The following KIAA0586 variants were observed in gnomAD, a reference collection of about 807,000 sequenced individuals.
KIAA0586 encodes the protein KIAA0586.
In KIAA0586, 144 loss-of-function variants were observed where a neutral mutation model predicts 169.8. That is an observed-to-expected ratio of 0.85 (90% CI 0.74 to 0.97). The LOEUF (loss-of-function observed/expected upper bound fraction) is 0.97, where lower values mean the gene tolerates loss of function less well. Among genes scored for constraint, KIAA0586 ranks in the 50% least tolerant of loss-of-function variants. The pLI is 0.00. For missense variants in KIAA0586, 1,854 were observed against 1,823.0 expected (o/e 1.02, Z -0.31); for synonymous variants, 625 against 612.4 (o/e 1.02, Z -0.30).
At chr14:58,488,596 T>G in intron 23 of KIAA0586, 25 bp from the exon 24 acceptor site, 1 of 1,611,084 alleles carries the variant, frequency 6.2e-7, no homozygotes, top group African/African-American at 1.3e-5. Flanking sequence ...CCTAACAAGC[T>G]CCAAATATGT....
rs76031832 is a variant in KIAA0586, at chr14:58,539,832, C to A, written c.4430-239C>A. On this transcript the variant is annotated intron_variant, in intron 29 of 30. Transcript: ENST00000652326. Reference sequence around the variant, plus strand: ...CTCATGACCCTTTGCTTCCCCCCCCCATCTGTGATGCATAAAGATAATAAT... The same window carrying A: ...CTCATGACCCTTTGCTTCCCCCCCCAATCTGTGATGCATAAAGATAATAAT... The A allele has an allele frequency of 0.014, 4,493 of 313,994 alleles. 208 individuals are homozygous for A. Among genetic ancestry groups the A allele is most frequent in the African/African-American group, 0.088 (4,075 of 46,278 alleles). 19.5% of individuals were successfully genotyped at this position (313,994 alleles called of 1,614,324 possible). A position where few individuals can be genotyped will look rare whatever the true frequency, so the allele number is the denominator to read the frequency against.
chr14:58,429,242 A>G (rs2037153601), intron 1 of KIAA0586, 121 bp from the exon 2 acceptor site: 5 of 615,742 alleles, frequency 8.1e-6, no homozygotes, highest in Admixed American at 2.8e-5. Context: ...TTTTGCATGC[A>G]AATTGTCTTT....
At chr14:58,554,693 G>T (rs757660503), downstream of KIAA0586, among the ~76,000 whole-genome samples, 1 of 152,160 alleles carries the variant, frequency 6.6e-6, no homozygotes, top group Non-Finnish European at 1.5e-5. Flanking sequence ...TCAGTAAAAG[G>T]CCAGATAGTA....
intron 14 of KIAA0586, among the ~76,000 whole-genome samples, chr14:58,462,357 C>T (rs1431155448): frequency 6.6e-6 from 1 of 150,404 alleles, no homozygotes; most frequent in African/African-American, 2.4e-5. Flanking sequence ...AAACGATTCT[C>T]CTGCCTCAGC....
chr14:58,516,370 G>A (rs2044754215), intron 29 of KIAA0586, among the ~76,000 whole-genome samples: 6 of 152,070 alleles, frequency 3.9e-5, no homozygotes, highest in Admixed American at 2.0e-4. Context: ...TATTTCCAGG[G>A]TATAGGTGAA....
At chr14:58,480,939 A>G (rs2041990840) in intron 20 of KIAA0586, among the ~76,000 whole-genome samples, 1 of 152,202 alleles carries the variant, frequency 6.6e-6, no homozygotes. Flanking sequence ...CTTCCCTGTC[A>G]AAGATTTGTG....
rs1210709116 is a variant in KIAA0586 at position 58,511,545 on chromosome 14, T to C, written c.4324-977T>C. On this transcript the variant is annotated intron_variant, in intron 28 of 30. Transcript: ENST00000652326. ...CGCTGTGAGTAAGTAAGGAAACCAATAGAAACGTTCAAAGTCTCAGCAGCC... is the reference window on the plus strand; with the variant it reads ...CGCTGTGAGTAAGTAAGGAAACCAACAGAAACGTTCAAAGTCTCAGCAGCC... Among the ~76,000 whole-genome samples the C allele has an allele frequency of 3.9e-5, 6 of 152,140 alleles. No individual in the cohort carries two copies. The South Asian group carries it at 1.0e-3, about 26-fold the overall frequency.
intron 16 of KIAA0586, among the ~76,000 whole-genome samples, chr14:58,469,570 T>A (rs1385588716): frequency 2.6e-5 from 4 of 152,212 alleles, no homozygotes; most frequent in African/African-American, 7.2e-5. Context: ...AGTCAGTCCA[T>A]GGAGGAAATT....
At chr14:58,429,819 T>C (rs1174612758) in intron 2 of KIAA0586, among the ~76,000 whole-genome samples, 4 of 152,140 alleles carry the variant, frequency 2.6e-5, no homozygotes, top group African/African-American at 9.6e-5. Flanking sequence ...CTAACACTTG[T>C]GAGAATGGTT....
chr14:58,444,161 C>G lies in KIAA0586; in HGVS notation c.793C>G (p.Gln265Glu), dbSNP rs1190278501. Residue 265 changes from glutamine (Q) to glutamate (E), a missense_variant, in exon 6 of 31, where the codon CAA becomes GAA. Transcript: ENST00000652326. ...GCATCTTGAAAAGTTACAACAACAA[C>G]AAATAGATATTCAGGTATCTGTAAT... ...IRHLEKLQQQQIDIQTHFISA... is the reference protein window; with the variant it reads ...IRHLEKLQQQEIDIQTHFISA... 1 of 1,602,800 alleles carries G rather than the reference C, an allele frequency of 6.2e-7. No individual in the cohort carries two copies. The highest frequency in any genetic ancestry group is 1.3e-5 in the African/African-American group (1 of 74,728).
intron 4 of KIAA0586, among the ~76,000 whole-genome samples, chr14:58,435,278 T>C (rs917785724): frequency 2.6e-5 from 4 of 152,252 alleles, no homozygotes; most frequent in African/African-American, 9.6e-5. Context: ...TAAGAAAATA[T>C]ATGTGGCAAG....
intron 29 of KIAA0586, among the ~76,000 whole-genome samples, chr14:58,520,510 T>TTTGTTG (rs56230772): frequency 0.017 from 2,580 of 150,492 alleles, 57 homozygotes; most frequent in African/African-American, 0.052. Context: ...TTTTTGGGGT[T>TTTGTTG]TTGTTGTTGT....
At chr14:58,536,938 G>T in intron 29 of KIAA0586, 1 of 901,876 alleles carries the variant, frequency 1.1e-6, no homozygotes, top group Non-Finnish European at 1.5e-6. Flanking sequence ...GAACTTTATA[G>T]ATCAAATAAT....
intron 27 of KIAA0586, among the ~76,000 whole-genome samples, chr14:58,507,116 C>G (rs2141406176): frequency 6.7e-6 from 1 of 149,644 alleles, no homozygotes; most frequent in Middle Eastern, 3.5e-3. Context: ...CCATTGCACT[C>G]CAGCCTGGGC....
chr14:58,491,437 G>C (rs1217811515), intron 25 of KIAA0586, among the ~76,000 whole-genome samples: 2 of 152,140 alleles, frequency 1.3e-5, no homozygotes, highest in African/African-American at 4.8e-5. Flanking sequence ...ATAATCTGGA[G>C]TTAATAAACT....
chr14:58,474,886 C>T, intron 19 of KIAA0586, 89 bp downstream of exon 19: 1 of 990,850 alleles, frequency 1.0e-6, no homozygotes, highest in Non-Finnish European at 1.4e-6. Flanking sequence ...TATTCCTTGT[C>T]TTCTTTTGTT....
chr14:58,461,958 T>C (rs2040357696), intron 14 of KIAA0586, among the ~76,000 whole-genome samples: 1 of 152,216 alleles, frequency 6.6e-6, no homozygotes, highest in South Asian at 2.1e-4. Context: ...TGACTTTGGT[T>C]ATGTATTATA....
intron 30 of KIAA0586, among the ~76,000 whole-genome samples, chr14:58,542,308 C>G (rs990358190): frequency 1.3e-5 from 2 of 152,088 alleles, no homozygotes; most frequent in African/African-American, 4.8e-5. Context: ...GAAACCCCGT[C>G]TCTACTAAAA....
chr14:58,488,680 C>T lies in KIAA0586; in HGVS notation c.3587C>T (p.Pro1196Leu). Residue 1196 changes from proline (P) to leucine (L), a missense_variant, in exon 24 of 31, where the codon CCA (proline) becomes CTA (leucine). Physicochemically the swap from Pro to Leu is moderately conservative, Grantham distance 98. Coordinates refer to ENST00000652326, the MANE Select transcript of KIAA0586 (RefSeq NM_001329943.3). Reference protein sequence around the residue: ...PESMDFPAQPPPPEPVPFMPF... With the variant: ...PESMDFPAQPLPPEPVPFMPF... The stretch of plus-strand genomic sequence containing the variant: ...AGTATGGATTTCCCTGCTCAGCCTC[C>T]ACCTCCAGAGCCAGTTCCCTTTATG... The T allele has an allele frequency of 6.2e-7, 1 of 1,613,870 alleles. No individual in the cohort carries two copies. Among genetic ancestry groups the T allele is most frequent in the South Asian group, 1.1e-5 (1 of 91,076 alleles).
Sources: gnomAD v4.1 joint callset for allele counts (sites outside exome capture counted in the v4.1 genomes callset) on GRCh38, gnomAD v4.1.1 for gene constraint, MANE v1.5 for transcripts, NCBI Gene and HGNC (gene_info 2026-07-23, HGNC 2026-07-21) for gene names.